Variants in DENND4C observed in about 807,000 individuals in gnomAD.
The protein encoded by DENND4C is DENN domain-containing protein 4C.
DENND4C carries 108 observed loss-of-function variants against 203.0 expected under a neutral mutation model. The ratio of observed to expected loss-of-function variants is 0.53; its 90% CI spans 0.46 to 0.62. DENND4C has a LOEUF of 0.62. Among genes scored for constraint, DENND4C ranks in the 20% least tolerant of loss-of-function variants. DENND4C has a pLI of 0.00. For synonymous variants in DENND4C, 871 were observed against 792.4 expected, an observed-to-expected ratio of 1.10 and a Z score of -1.67; for missense variants, 2,481 against 2,301.2, an observed-to-expected ratio of 1.08 and a Z score of -1.60.
At position 19,230,738 on chromosome 9, in the gene DENND4C, C is replaced by T. The variant is rs977473564; in HGVS notation, c.-113C>T. 6.6e-6 allele frequency: 1 copy of T among 152,266 alleles called. No homozygotes were observed. The highest frequency in any genetic ancestry group is 2.4e-5 in the African/African-American group (1 of 41,456). 9.4% of individuals were successfully genotyped at this position (152,266 alleles called of 1,614,324 possible). ...CGGCCGCTGGAGCTAGTCCCCCGCC[C>T]TGCCCTGCCGAGCGCGCCCAGTCCG... On this transcript the variant is annotated 5_prime_UTR_variant, in exon 1 of 33. Coordinates refer to ENST00000434457, the MANE Select transcript of DENND4C (RefSeq NM_001330640.2).
At chr9:19,370,258 T>C (rs1404386131) in intron 31 of DENND4C, among the ~76,000 whole-genome samples, 2 of 152,040 alleles carry the variant, frequency 1.3e-5, no homozygotes, top group African/African-American at 4.8e-5. Context: ...GCTCAGGAGT[T>C]TGAGACTGGA....
intron 20 of DENND4C, among the ~76,000 whole-genome samples, chr9:19,337,316 ATCCCTC>A (rs1164296283): frequency 6.6e-6 from 1 of 152,208 alleles, no homozygotes; most frequent in Non-Finnish European, 1.5e-5. Context: ...CATGGGAATA[ATCCCTC>A]TCCTCTGAAG....
intron 5 of DENND4C, among the ~76,000 whole-genome samples, chr9:19,294,281 C>G (rs1836964245): frequency 6.6e-6 from 1 of 151,314 alleles, no homozygotes; most frequent in Admixed American, 6.6e-5. Flanking sequence ...ATAATTGGAT[C>G]TAGTATAGGA....
chr9:19,232,969 CT>C (rs1265904500), intron 1 of DENND4C, among the ~76,000 whole-genome samples: 7 of 151,392 alleles, frequency 4.6e-5, no homozygotes, highest in Non-Finnish European at 8.8e-5. Flanking sequence ...TTTGCATTGG[CT>C]TTGCTGCTCA....
chr9:19,354,071 C>A (rs13295179), intron 26 of DENND4C, among the ~76,000 whole-genome samples: 21,056 of 152,126 alleles, frequency 0.14, 2,096 homozygotes, highest in African/African-American at 0.27. Flanking sequence ...TACGAAGACA[C>A]TGACTCTGCT....
At chr9:19,353,388 GA>G (rs1348969340) in intron 26 of DENND4C, among the ~76,000 whole-genome samples, 1 of 152,134 alleles carries the variant, frequency 6.6e-6, no homozygotes, top group African/African-American at 2.4e-5. Flanking sequence ...AGCACTTTGG[GA>G]GGCCCAGACA....
chr9:19,290,692 ATT>A lies in DENND4C; in HGVS notation c.629-11_629-10del, dbSNP rs1836124345. The A allele has an allele frequency of 7.2e-7, 1 of 1,393,896 alleles. No homozygotes were observed. Among genetic ancestry groups the A allele is most frequent in the Admixed American group, 2.9e-5 (1 of 34,390 alleles). 86.3% of individuals were successfully genotyped at this position (1,393,896 alleles called of 1,614,324 possible). A position where few individuals can be genotyped will look rare whatever the true frequency, so the allele number is the denominator to read the frequency against. ...TATTTAAAAAATTTATTGTTGTCTC[ATT>A]CTTCAAAAGGTTTAATTTTTAGATA... On this transcript the variant is annotated splice_polypyrimidine_tract_variant and intron_variant, in intron 4 of 32. Transcript: ENST00000434457.
chr9:19,371,703 CTG>C (rs1331733136), intron 31 of DENND4C, 51 bp from the exon 32 acceptor site: 4 of 910,296 alleles, frequency 4.4e-6, no homozygotes, highest in Admixed American at 2.3e-5. Flanking sequence ...AAAAATGCAT[CTG>C]TGTTTTTATG....
chr9:19,259,163 C>T (rs954983072), intron 1 of DENND4C, among the ~76,000 whole-genome samples: 2 of 152,026 alleles, frequency 1.3e-5, no homozygotes, highest in Non-Finnish European at 2.9e-5. Flanking sequence ...TGTAGTCATC[C>T]TGTTGTGCTA....
intron 4 of DENND4C, among the ~76,000 whole-genome samples, chr9:19,290,023 T>C (rs1463167631): frequency 6.6e-6 from 1 of 152,186 alleles, no homozygotes; most frequent in Non-Finnish European, 1.5e-5. Flanking sequence ...TTTTAGATAC[T>C]GAATTTGGGC....
chr9:19,369,790 A>AATG (rs1828430234), intron 30 of DENND4C, 47 bp from the exon 31 acceptor site: 15 of 1,132,172 alleles, frequency 1.3e-5, no homozygotes, highest in Middle Eastern at 4.9e-4. Flanking sequence ...TAATAATAAT[A>AATG]ATAATAGTAA....
At chr9:19,273,378 G>A (rs551360066) in intron 1 of DENND4C, among the ~76,000 whole-genome samples, 1 of 152,090 alleles carries the variant, frequency 6.6e-6, no homozygotes, top group South Asian at 2.1e-4. Flanking sequence ...AAGCCACCAC[G>A]CTTGGCTGAC....
At chr9:19,350,970 C>T in intron 24 of DENND4C, 91 bp downstream of exon 24, 1 of 1,361,778 alleles carries the variant, frequency 7.3e-7, no homozygotes, top group Non-Finnish European at 9.9e-7. Flanking sequence ...GTCTTGTTGC[C>T]CAGGCTGGTC....
intron 7 of DENND4C, among the ~76,000 whole-genome samples, chr9:19,298,463 A>G (rs932602313): frequency 3.9e-5 from 6 of 152,160 alleles, no homozygotes; most frequent in Admixed American, 2.0e-4. Context: ...AAAATGAGCA[A>G]TGGTTGGAGG....
At chr9:19,338,369 A>G (rs774402838) in intron 20 of DENND4C, among the ~76,000 whole-genome samples, 36 of 152,158 alleles carry the variant, frequency 2.4e-4, no homozygotes, top group Non-Finnish European at 4.1e-4. Flanking sequence ...AGTTTACCTC[A>G]TTATAGAGGC....
Position 19,288,190 on chromosome 9 carries a change from G to A in DENND4C, c.559-406G>A, listed in dbSNP as rs1239209186. Among the ~76,000 whole-genome samples the A allele has an allele frequency of 3.3e-5, 5 of 152,194 alleles. No homozygotes were observed. The East Asian group carries it at 5.8e-4, about 18-fold the overall frequency. On this transcript the variant is annotated intron_variant, in intron 3 of 32. Coordinates refer to ENST00000434457, the MANE Select transcript of DENND4C (RefSeq NM_001330640.2). ...AATATTAGCTTAATGTTGTATAGGC[G>A]GAGATGACAAATGCACCCAGAACAA...
intron 9 of DENND4C, among the ~76,000 whole-genome samples, chr9:19,304,632 A>C (rs4977531): frequency 2.5e-4 from 37 of 150,886 alleles, no homozygotes; most frequent in African/African-American, 9.1e-4. Context: ...CACCTCCCAG[A>C]TTCACGCCAT....
At chr9:19,306,312 T>C (rs1358705894) in intron 10 of DENND4C, among the ~76,000 whole-genome samples, 1 of 152,202 alleles carries the variant, frequency 6.6e-6, no homozygotes, top group Non-Finnish European at 1.5e-5. Context: ...TGGGAAAATA[T>C]TTTTATGTGA....
At chr9:19,256,018 G>A (rs2131675277) in intron 1 of DENND4C, among the ~76,000 whole-genome samples, 1 of 151,610 alleles carries the variant, frequency 6.6e-6, no homozygotes, top group East Asian at 1.9e-4. Context: ...TGGGAGGATT[G>A]CTTGAGGCCA....
Sources: gnomAD v4.1 joint callset for allele counts (sites outside exome capture counted in the v4.1 genomes callset) on GRCh38, gnomAD v4.1.1 for gene constraint, MANE v1.5 for transcripts, NCBI Gene and HGNC (gene_info 2026-07-23, HGNC 2026-07-21) for gene names.